CDH18: variants seen among roughly 807,000 people sequenced by gnomAD.
CDH18 encodes the protein cadherin 18.
CDH18 carries 31 observed loss-of-function variants against 67.9 expected under a neutral mutation model. The ratio of observed to expected loss-of-function variants is 0.46; its 90% CI spans 0.34 to 0.62. The LOEUF is 0.62. Among genes scored for constraint, CDH18 ranks in the 20% least tolerant of loss-of-function variants. The pLI, the probability that CDH18 is intolerant of heterozygous loss-of-function variation, is 0.01. For missense variants in CDH18, 890 were observed against 975.5 expected (o/e 0.91, Z 1.17); for synonymous variants, 362 against 347.2 (o/e 1.04, Z -0.48).
intron 11 of CDH18, among the ~76,000 whole-genome samples, chr5:19,484,851 A>T (rs11958649): frequency 2.6e-5 from 4 of 152,032 alleles, no homozygotes; most frequent in Admixed American, 6.5e-5. Flanking sequence ...CCAAATGCCA[A>T]TTCAACTCCA....
intron 6 of CDH18, among the ~76,000 whole-genome samples, chr5:19,606,184 A>C (rs1748005372): frequency 6.6e-6 from 1 of 151,784 alleles, no homozygotes. Context: ...AACTGATTTA[A>C]GTAATCCACA....
At chr5:20,076,231 T>C in intron 2 of CDH18, among the ~76,000 whole-genome samples, 1 of 152,154 alleles carries the variant, frequency 6.6e-6, no homozygotes. Flanking sequence ...TATATAGTGT[T>C]ATATAATATG....
intron 2 of CDH18, among the ~76,000 whole-genome samples, chr5:20,096,515 CAGTT>C (rs1746007124): frequency 6.6e-6 from 1 of 151,944 alleles, no homozygotes. Context: ...TAATTGTGCA[CAGTT>C]ATACAGATTT....
At chr5:20,029,606 T>C (rs1431989344) in intron 2 of CDH18, among the ~76,000 whole-genome samples, 1 of 152,248 alleles carries the variant, frequency 6.6e-6, no homozygotes, top group Non-Finnish European at 1.5e-5. Flanking sequence ...CCTGTGCAAA[T>C]TATTTATTGG....
chr5:20,048,948 A>G (rs1741152356), intron 2 of CDH18, among the ~76,000 whole-genome samples: 1 of 151,694 alleles, frequency 6.6e-6, no homozygotes, highest in African/African-American at 2.4e-5. Flanking sequence ...GCAAATCTGC[A>G]TTTTTCAAGG....
chr5:19,608,629 T>G (rs1270517891), intron 6 of CDH18, among the ~76,000 whole-genome samples: 1 of 151,860 alleles, frequency 6.6e-6, no homozygotes, highest in African/African-American at 2.4e-5. Context: ...TACTGCCATC[T>G]ATTGAATTTT....
intron 1 of CDH18, among the ~76,000 whole-genome samples, chr5:20,469,295 T>C (rs1194437693): frequency 6.6e-6 from 1 of 152,198 alleles, no homozygotes; most frequent in African/African-American, 2.4e-5. Flanking sequence ...ATTCTGTTCG[T>C]ATTTTTGTGT....
In CDH18 at chr5:19,926,226, C is replaced by G. The variant is rs140268110; in HGVS notation, c.-257+54834G>C. 3.2e-4 allele frequency among the ~76,000 whole-genome samples: 48 copies of G among 152,104 alleles called. 2 individuals are homozygous for G. The South Asian group carries it at 7.7e-3, about 24-fold the overall frequency. The stretch of plus-strand genomic sequence containing the variant: ...GTGTATTCACTAAAGTCTGAAGGAG[C>G]TTTAGAGGCTTAATAAATCAGTGAT... On this transcript the variant is annotated intron_variant, in intron 2 of 12. Coordinates refer to ENST00000382275, the MANE Select transcript of CDH18 (RefSeq NM_004934.5).
chr5:20,542,456 C>G (rs1757104279), intron 1 of CDH18, among the ~76,000 whole-genome samples: 1 of 151,262 alleles, frequency 6.6e-6, no homozygotes, highest in Non-Finnish European at 1.5e-5. Flanking sequence ...TGTGTATACA[C>G]ATACACATAT....
intron 2 of CDH18, among the ~76,000 whole-genome samples, chr5:20,128,211 T>C (rs1005346930): frequency 6.6e-6 from 1 of 152,080 alleles, no homozygotes; most frequent in Non-Finnish European, 1.5e-5. Flanking sequence ...TCTGTAATGA[T>C]AACAGCTCTC....
intron 2 of CDH18, among the ~76,000 whole-genome samples, chr5:19,971,389 G>C (rs1239359482): frequency 6.6e-6 from 1 of 151,886 alleles, no homozygotes; most frequent in Non-Finnish European, 1.5e-5. Flanking sequence ...AAAGTTCAAT[G>C]CCACAGAAAA....
intron 2 of CDH18, among the ~76,000 whole-genome samples, chr5:19,933,093 AC>A (rs1246403342): frequency 6.6e-6 from 1 of 151,492 alleles, no homozygotes; most frequent in Non-Finnish European, 1.5e-5. Flanking sequence ...ACTGGCTGGT[AC>A]TTTTGTCCTT....
chr5:20,377,137 T>A (rs527485634), intron 1 of CDH18, among the ~76,000 whole-genome samples: 43 of 152,264 alleles, frequency 2.8e-4, no homozygotes, highest in African/African-American at 9.9e-4. Flanking sequence ...AAGTAGAAAC[T>A]CCGTGTAAGG....
intron 1 of CDH18, among the ~76,000 whole-genome samples, chr5:20,375,577 T>C (rs1325173968): frequency 6.6e-6 from 1 of 152,192 alleles, no homozygotes; most frequent in African/African-American, 2.4e-5. Context: ...TCTTTATAAA[T>C]AGAGTCACCT....
At chr5:19,750,997 A>C (rs889263426) in intron 3 of CDH18, among the ~76,000 whole-genome samples, 1 of 152,102 alleles carries the variant, frequency 6.6e-6, no homozygotes, top group African/African-American at 2.4e-5. Context: ...CGGCAAAGGA[A>C]TGAGGGGTGA....
intron 5 of CDH18, among the ~76,000 whole-genome samples, chr5:19,669,465 ATTC>A (rs1176277413): frequency 1.3e-5 from 2 of 151,512 alleles, no homozygotes; most frequent in African/African-American, 4.9e-5. Flanking sequence ...GCTAATTTGT[ATTC>A]TTAGCAGAGA....
intron 3 of CDH18, among the ~76,000 whole-genome samples, chr5:19,810,233 A>G (rs1442082199): frequency 6.6e-6 from 1 of 152,082 alleles, no homozygotes; most frequent in Non-Finnish European, 1.5e-5. Context: ...GGGAGGACTG[A>G]GGCATGAGAA....
intron 2 of CDH18, among the ~76,000 whole-genome samples, chr5:19,935,553 G>A (rs1354964792): frequency 2.0e-5 from 3 of 151,268 alleles, no homozygotes; most frequent in Admixed American, 6.6e-5. Context: ...TACGCAATAC[G>A]TTATAGCCTA....
intron 1 of CDH18, among the ~76,000 whole-genome samples, chr5:20,506,804 C>T (rs1754690127): frequency 6.6e-6 from 1 of 152,054 alleles, no homozygotes; most frequent in South Asian, 2.1e-4. Context: ...TTTTTTCTAC[C>T]AAGTGTTGAG....
Sources: gnomAD v4.1 joint callset for allele counts (sites outside exome capture counted in the v4.1 genomes callset) on GRCh38, gnomAD v4.1.1 for gene constraint, MANE v1.5 for transcripts, NCBI Gene and HGNC (gene_info 2026-07-23, HGNC 2026-07-21) for gene names.